The following IL1RAPL1 variants were observed in gnomAD, a reference collection of about 807,000 sequenced individuals.
IL1RAPL1 encodes the protein interleukin-1 receptor accessory protein-like 1.
A neutral mutation model predicts 48.4 loss-of-function variants in IL1RAPL1; 3 were observed. That is an observed-to-expected ratio of 0.06 (90% confidence interval 0.03 to 0.16). IL1RAPL1 has a LOEUF of 0.16. Ranked by LOEUF, IL1RAPL1 falls within the 10% of genes least tolerant of loss-of-function variation. IL1RAPL1 has a pLI of 1.00. For synonymous variants in IL1RAPL1, 185 were observed against 187.7 expected (o/e 0.99, Z 0.12); for missense variants, 349 against 530.6 (o/e 0.66, Z 3.36).
chrX:29,936,132 C>T lies in IL1RAPL1; in HGVS notation c.1058-5519C>T, dbSNP rs1363561352. On this transcript the variant is annotated intron_variant, in intron 8 of 10. Transcript: ENST00000378993. ...CGCAAAAATAACTGCTTTTAAATTA[C>T]ACTGATGTATTGTAGAACTGAGTTG... Among the ~76,000 whole-genome samples, 11 of 109,171 alleles carry T rather than the reference C, an allele frequency of 1.0e-4. No homozygotes were observed. The East Asian group carries it at 3.2e-3, about 32-fold the overall frequency. The allele number at this position is 109,171 out of a possible 115,157, so 94.8% of individuals were successfully genotyped here. A position where few individuals can be genotyped will look rare whatever the true frequency, so the allele number is the denominator to read the frequency against.
At chrX:29,489,358 G>T (rs1174101925) in intron 5 of IL1RAPL1, among the ~76,000 whole-genome samples, 2 of 111,842 alleles carry the variant, frequency 1.8e-5, no homozygotes, top group African/African-American at 6.5e-5. Flanking sequence ...AGGCAAGGGG[G>T]TAAAAGGAGA....
At chrX:28,704,569 C>A (rs778247184) in intron 1 of IL1RAPL1, among the ~76,000 whole-genome samples, 24 of 107,415 alleles carry the variant, frequency 2.2e-4, no homozygotes, top group Admixed American at 6.2e-4. Flanking sequence ...TATATTCAAG[C>A]GGGTAAGTAG....
At chrX:29,253,341 A>T (rs1931698929) in intron 2 of IL1RAPL1, among the ~76,000 whole-genome samples, 1 of 111,283 alleles carries the variant, frequency 9.0e-6, no homozygotes, top group Non-Finnish European at 1.9e-5. Flanking sequence ...GTAATGCAAT[A>T]GTAAAATAAA....
chrX:29,272,767 G>C (rs1259759255), intron 2 of IL1RAPL1, among the ~76,000 whole-genome samples: 3 of 111,399 alleles, frequency 2.7e-5, no homozygotes, highest in African/African-American at 9.8e-5. Flanking sequence ...TGTCTTTCGG[G>C]GATGCCAGTG....
At chrX:28,927,420 C>T (rs544613335) in intron 2 of IL1RAPL1, among the ~76,000 whole-genome samples, 3 of 111,835 alleles carry the variant, frequency 2.7e-5, no homozygotes, top group Admixed American at 9.5e-5. Context: ...TATAAAAATA[C>T]GCTCTTTTGA....
chrX:28,788,723 C>A (rs1936499912), intron 1 of IL1RAPL1, among the ~76,000 whole-genome samples: 1 of 109,632 alleles, frequency 9.1e-6, no homozygotes, highest in Admixed American at 9.9e-5. Context: ...CCGCTTCAGC[C>A]TCCCAAAGTG....
intron 5 of IL1RAPL1, among the ~76,000 whole-genome samples, chrX:29,443,620 C>T (rs781523148): frequency 2.7e-5 from 3 of 111,689 alleles, no homozygotes; most frequent in Non-Finnish European, 3.8e-5. Context: ...ACCAAACTAG[C>T]TATATCATTT....
chrX:29,705,946 ATT>A (rs757163524), intron 6 of IL1RAPL1, among the ~76,000 whole-genome samples: 2 of 112,555 alleles, frequency 1.8e-5, no homozygotes, highest in South Asian at 7.3e-4. Context: ...AAACTGGACA[ATT>A]TACAAAAGCA....
At chrX:29,647,257 G>T (rs997623533) in intron 5 of IL1RAPL1, among the ~76,000 whole-genome samples, 1 of 109,130 alleles carries the variant, frequency 9.2e-6, no homozygotes, top group Admixed American at 9.8e-5. Flanking sequence ...GGCTGAGGCA[G>T]GAGAATTGCT....
chrX:28,606,176 G>A (rs372535930), intron 1 of IL1RAPL1, among the ~76,000 whole-genome samples: 2 of 111,877 alleles, frequency 1.8e-5, no homozygotes, highest in African/African-American at 3.2e-5. Context: ...AGTATCCCAA[G>A]CACTGAGAAT....
At chrX:29,860,366 T>A (rs1931553215) in intron 6 of IL1RAPL1, among the ~76,000 whole-genome samples, 1 of 111,404 alleles carries the variant, frequency 9.0e-6, no homozygotes, top group Non-Finnish European at 1.9e-5. Flanking sequence ...AGAATTAAAT[T>A]TTTTTTTATT....
intron 2 of IL1RAPL1, among the ~76,000 whole-genome samples, chrX:28,810,127 C>T (rs1376517828): frequency 9.1e-6 from 1 of 110,114 alleles, no homozygotes; most frequent in Non-Finnish European, 1.9e-5. Context: ...ATTCAGTCTT[C>T]GAGTGGCTTT....
chrX:29,594,351 G>A (rs1923474971), intron 5 of IL1RAPL1, among the ~76,000 whole-genome samples: 1 of 111,402 alleles, frequency 9.0e-6, no homozygotes. Flanking sequence ...ACCTTTGATT[G>A]TGTGAATGTA....
At chrX:28,896,961 C>T (rs180678319) in intron 2 of IL1RAPL1, among the ~76,000 whole-genome samples, 1 of 110,676 alleles carries the variant, frequency 9.0e-6, no homozygotes, top group East Asian at 2.9e-4. Flanking sequence ...GAACCACTGT[C>T]GAGTTTGTAT....
intron 5 of IL1RAPL1, among the ~76,000 whole-genome samples, chrX:29,431,158 G>A (rs906040973): frequency 2.7e-5 from 3 of 111,509 alleles, no homozygotes; most frequent in African/African-American, 6.5e-5. Context: ...GAACTGTCCC[G>A]AAAACTCAAA....
intron 6 of IL1RAPL1, among the ~76,000 whole-genome samples, chrX:29,871,274 T>C (rs1410499120): frequency 8.9e-6 from 1 of 112,245 alleles, no homozygotes; most frequent in Non-Finnish European, 1.9e-5. Flanking sequence ...TAATCATGCC[T>C]GCAAAGTCTC....
chrX:29,947,994 G>A (rs1286498151), intron 9 of IL1RAPL1, among the ~76,000 whole-genome samples: 1 of 110,632 alleles, frequency 9.0e-6, no homozygotes, highest in Non-Finnish European at 1.9e-5. Flanking sequence ...TAAGACTTCT[G>A]AATCTATGTT....
chrX:28,991,554 C>T (rs1204649437), intron 2 of IL1RAPL1, among the ~76,000 whole-genome samples: 1 of 111,703 alleles, frequency 9.0e-6, no homozygotes, highest in Non-Finnish European at 1.9e-5. Context: ...GTTAAAAAAT[C>T]TTGAACTTTG....
intron 6 of IL1RAPL1, among the ~76,000 whole-genome samples, chrX:29,789,206 G>A (rs193292572): frequency 6.7e-4 from 75 of 111,945 alleles, no homozygotes; most frequent in African/African-American, 2.3e-3. Flanking sequence ...TTGAGTGCGT[G>A]TGTTAGCTTT....
Sources: gnomAD v4.1 joint callset for allele counts (sites outside exome capture counted in the v4.1 genomes callset) on GRCh38, gnomAD v4.1.1 for gene constraint, MANE v1.5 for transcripts, NCBI Gene and HGNC (gene_info 2026-07-23, HGNC 2026-07-21) for gene names.